The following CD36 variants were observed in gnomAD, a reference collection of about 807,000 sequenced individuals.
CD36 encodes the protein CD36 molecule (CD36 blood group), also known as platelet glycoprotein 4.
In CD36, 119 loss-of-function variants were observed where a neutral mutation model predicts 55.2. That is an observed-to-expected ratio of 2.15 (90% confidence interval 1.86 to 2.51). The LOEUF is 2.51. CD36 is among the 30% of genes most tolerant of loss of function. The pLI, the probability that CD36 is intolerant of heterozygous loss-of-function variation, is 0.00. For missense variants in CD36, 819 were observed against 555.5 expected, an observed-to-expected ratio of 1.47 and a Z score of -4.77; for synonymous variants, 186 against 193.6, an observed-to-expected ratio of 0.96 and a Z score of 0.33.
rs145656932 is a variant in CD36, at chr7:80,656,432, C to T, written c.121-108C>T. ...TGCAAAGGTTCTCATGAATGAGGTA[C>T]TTGGGCTTGGTCCTTTTATTCTGGC... On this transcript the variant is annotated intron_variant, in intron 3 of 14. Transcript: ENST00000447544. 1,226 of 918,042 alleles carry T rather than the reference C, an allele frequency of 1.3e-3. 4 individuals are homozygous for T. Among genetic ancestry groups the T allele is most frequent in the Middle Eastern group, 2.6e-3 (8 of 3,078 alleles). 56.9% of individuals were successfully genotyped at this position (918,042 alleles called of 1,614,324 possible).
At chr7:80,646,361 TGA>T (rs1184031815) in intron 2 of CD36, 180 bp downstream of exon 2, 2 of 283,796 alleles carry the variant, frequency 7.0e-6, no homozygotes, top group African/African-American at 4.4e-5. Context: ...GAGATGAGGG[TGA>T]GAGTTCTCCT....
At chr7:80,670,438 G>A (rs1037412752) in intron 9 of CD36, 3 of 230,628 alleles carry the variant, frequency 1.3e-5, no homozygotes, top group African/African-American at 7.0e-5. Flanking sequence ...CTGTATGCTT[G>A]TGGGTAGGCA....
At chr7:80,621,344 A>G (rs1793460452) in intron 1 of CD36, among the ~76,000 whole-genome samples, 1 of 152,178 alleles carries the variant, frequency 6.6e-6, no homozygotes, top group Admixed American at 6.5e-5. Flanking sequence ...GAGGATGCCT[A>G]TATTCTGGGC....
Position 80,677,819 on chromosome 7 carries a change from T to A in CD36, c.*1436T>A. The A allele has an allele frequency of 6.6e-6, 1 of 152,194 alleles. No homozygotes were observed. The highest frequency in any genetic ancestry group is 1.9e-4 in the East Asian group (1 of 5,188). 9.4% of individuals were successfully genotyped at this position (152,194 alleles called of 1,614,324 possible). The stretch of plus-strand genomic sequence containing the variant: ...AATATACATATTGACCTGTATATTA[T>A]GACTAATCATGACTCAGATCTTAAT... On this transcript the variant is annotated 3_prime_UTR_variant, in exon 15 of 15. Coordinates refer to ENST00000447544, the MANE Select transcript of CD36 (RefSeq NM_001001548.3).
chr7:80,607,545 G>A (rs1792629942), intron 1 of CD36, among the ~76,000 whole-genome samples: 1 of 152,044 alleles, frequency 6.6e-6, no homozygotes, highest in Admixed American at 6.5e-5. Flanking sequence ...TAGCCATATT[G>A]CTTTCCTCAG....
intron 1 of CD36, among the ~76,000 whole-genome samples, chr7:80,626,005 C>T (rs1793718839): frequency 1.3e-5 from 2 of 152,068 alleles, no homozygotes; most frequent in Admixed American, 1.3e-4. Context: ...ACAGAAATCA[C>T]TGTTCTCCTG....
intron 1 of CD36, among the ~76,000 whole-genome samples, chr7:80,626,946 C>T (rs1793777064): frequency 1.3e-5 from 2 of 152,038 alleles, no homozygotes; most frequent in African/African-American, 2.4e-5. Context: ...GTAAGTATTG[C>T]ATTCATCTTA....
chr7:80,667,742 C>CTTTTTTTTTTTTTTTTTT (rs1554344704), intron 8 of CD36, among the ~76,000 whole-genome samples: 1 of 92,940 alleles, frequency 1.1e-5, no homozygotes, highest in African/African-American at 3.8e-5. Flanking sequence ...CAGGGGTTTT[C>CTTTTTTTTTTTTTTTTTT]TTTTGTTTTT....
At position 80,644,821 on chromosome 7, in the gene CD36, G is replaced by A. The variant is rs568038255; in HGVS notation, c.-183-1267G>A. Reference sequence around the variant, plus strand: ...GCACATATGTTTTCTTTGGCCATGAGCATTTCAAAGTAGAGAATAATTGTT... The same window carrying A: ...GCACATATGTTTTCTTTGGCCATGAACATTTCAAAGTAGAGAATAATTGTT... On this transcript the variant is annotated intron_variant, in intron 1 of 14. Transcript: ENST00000447544. 8.5e-5 allele frequency among the ~76,000 whole-genome samples: 13 copies of A among 152,226 alleles called. No homozygotes were observed. In the East Asian group the frequency reaches 1.4e-3, roughly 16 times the overall value.
At chr7:80,675,260 CCTA>C (rs1321344083) in intron 14 of CD36, among the ~76,000 whole-genome samples, 2 of 151,472 alleles carry the variant, frequency 1.3e-5, no homozygotes, top group Non-Finnish European at 2.9e-5. Context: ...CTGTCAGTAG[CCTA>C]CTGACAAATT....
At chr7:80,610,277 A>G (rs1294141733) in intron 1 of CD36, among the ~76,000 whole-genome samples, 1 of 152,102 alleles carries the variant, frequency 6.6e-6, no homozygotes, top group Non-Finnish European at 1.5e-5. Flanking sequence ...TTCCTGATCT[A>G]TATTTGTGCT....
Position 80,663,144 on chromosome 7 carries a change from C to T in CD36, c.584C>T (p.Thr195Ile). The T allele has an allele frequency of 6.2e-7, 1 of 1,613,588 alleles. No individual in the cohort carries two copies. The highest frequency in any genetic ancestry group is 8.5e-7 in the Non-Finnish European group (1 of 1,179,646). Residue 195 changes from threonine (T) to isoleucine (I), a missense_variant, in exon 6 of 15, where the codon ACT becomes ATT. Physicochemically the swap from Thr to Ile is moderately conservative, Grantham distance 89. Coordinates refer to ENST00000447544, the MANE Select transcript of CD36 (RefSeq NM_001001548.3). ...PFLSLVPYPV[T>I]TTVGLFYPYN... Reference sequence around the variant, plus strand: ...TTGAGTTTGGTTCCGTACCCTGTTACTACCACAGTTGGTCTGTTTTATCCT... The same window carrying T: ...TTGAGTTTGGTTCCGTACCCTGTTATTACCACAGTTGGTCTGTTTTATCCT...
At chr7:80,604,337 C>T (rs1250066546) in intron 1 of CD36, among the ~76,000 whole-genome samples, 5 of 113,672 alleles carry the variant, frequency 4.4e-5, no homozygotes, top group African/African-American at 1.6e-4. Context: ...CAGTAATTGG[C>T]TAAGCCACTG....
At chr7:80,632,751 G>C (rs1015598327) in intron 1 of CD36, among the ~76,000 whole-genome samples, 3 of 151,884 alleles carry the variant, frequency 2.0e-5, no homozygotes, top group African/African-American at 7.2e-5. Context: ...TAGAGCCAAT[G>C]CAAAGTTAAA....
chr7:80,616,871 G>A (rs1020929217), intron 1 of CD36, among the ~76,000 whole-genome samples: 9 of 152,222 alleles, frequency 5.9e-5, no homozygotes, highest in African/African-American at 1.2e-4. Context: ...TAAGAAACAA[G>A]TTTCTGTCTT....
intron 1 of CD36, among the ~76,000 whole-genome samples, chr7:80,622,198 T>C (rs1299498976): frequency 6.6e-6 from 1 of 152,232 alleles, no homozygotes; most frequent in East Asian, 1.9e-4. Context: ...TAAAATTATT[T>C]TCTGTCTTCC....
chr7:80,671,780 C>A, intron 10 of CD36, 142 bp from the exon 11 acceptor site: 1 of 697,406 alleles, frequency 1.4e-6, no homozygotes, highest in South Asian at 1.7e-5. Flanking sequence ...TAGAAATCAA[C>A]TGACATAATT....
chr7:80,622,071 T>C (rs540041871), intron 1 of CD36, among the ~76,000 whole-genome samples: 2 of 152,242 alleles, frequency 1.3e-5, no homozygotes, highest in South Asian at 4.1e-4. Flanking sequence ...CAGCATACAC[T>C]CCCCATTCTG....
intron 1 of CD36, among the ~76,000 whole-genome samples, chr7:80,607,222 T>A (rs1281447938): frequency 6.6e-6 from 1 of 152,054 alleles, no homozygotes; most frequent in African/African-American, 2.4e-5. Context: ...GAAGCTGAAA[T>A]CCTGTAGAAT....
Sources: gnomAD v4.1 joint callset for allele counts (sites outside exome capture counted in the v4.1 genomes callset) on GRCh38, gnomAD v4.1.1 for gene constraint, MANE v1.5 for transcripts, NCBI Gene and HGNC (gene_info 2026-07-23, HGNC 2026-07-21) for gene names.